Variants in ADGRL3 observed in about 807,000 individuals in gnomAD.
ADGRL3 encodes the protein adhesion G protein-coupled receptor L3.
In ADGRL3, 62 loss-of-function variants were observed where a neutral mutation model predicts 153.5. The ratio of observed to expected loss-of-function variants is 0.40; its 90% CI spans 0.33 to 0.50. The LOEUF (loss-of-function observed/expected upper bound fraction) is 0.50, where lower values mean the gene tolerates loss of function less well. Ranked by LOEUF, ADGRL3 falls within the 20% of genes least tolerant of loss-of-function variation. The pLI is 0.47. For missense variants in ADGRL3, 1,641 were observed against 1,859.4 expected, an observed-to-expected ratio of 0.88 and a Z score of 2.16; for synonymous variants, 710 against 672.5, an observed-to-expected ratio of 1.06 and a Z score of -0.86.
At chr4:61,653,174 A>T (rs62304032) in intron 5 of ADGRL3, among the ~76,000 whole-genome samples, 820 of 48,148 alleles carry the variant, frequency 0.017, 9 homozygotes, top group African/African-American at 0.046. Flanking sequence ...TCTCTCTCAC[A>T]CACACACACA....
At chr4:61,775,906 TATTTA>T (rs2097143183) in intron 8 of ADGRL3, 42 of 242,104 alleles carry the variant, frequency 1.7e-4, no homozygotes, top group Non-Finnish European at 2.2e-4. Context: ...TTTATTTATT[TATTTA>T]TTTTTTTGAG....
intron 4 of ADGRL3, among the ~76,000 whole-genome samples, chr4:61,567,205 A>G (rs1272248933): frequency 6.6e-6 from 1 of 152,220 alleles, no homozygotes; most frequent in Non-Finnish European, 1.5e-5. Flanking sequence ...TCAGTCATAC[A>G]GTTAGCTCAC....
chr4:61,703,038 C>T (rs1485854602), intron 6 of ADGRL3, among the ~76,000 whole-genome samples: 2 of 152,010 alleles, frequency 1.3e-5, no homozygotes, highest in African/African-American at 4.8e-5. Flanking sequence ...ACATACATTT[C>T]CCCCATTTTG....
At chr4:61,384,110 T>C (rs910239863) in intron 2 of ADGRL3, among the ~76,000 whole-genome samples, 1 of 151,972 alleles carries the variant, frequency 6.6e-6, no homozygotes, top group African/African-American at 2.4e-5. Context: ...TTCTGAGCTT[T>C]AGGAGTAAAG....
chr4:61,614,720 C>T (rs1303632261), intron 5 of ADGRL3, among the ~76,000 whole-genome samples: 1 of 152,126 alleles, frequency 6.6e-6, no homozygotes, highest in Non-Finnish European at 1.5e-5. Flanking sequence ...ACTTCCCTGT[C>T]TAAAATAGAA....
At chr4:61,784,310 C>T (rs535922995) in intron 8 of ADGRL3, among the ~76,000 whole-genome samples, 5 of 152,108 alleles carry the variant, frequency 3.3e-5, no homozygotes, top group Non-Finnish European at 7.4e-5. Context: ...GTTAAGTCCT[C>T]TGCTTAGGTT....
intron 9 of ADGRL3, among the ~76,000 whole-genome samples, chr4:61,827,521 G>A (rs945204007): frequency 6.6e-6 from 1 of 152,142 alleles, no homozygotes; most frequent in African/African-American, 2.4e-5. Flanking sequence ...AGCATAGAAG[G>A]CATTAATGCA....
chr4:61,360,550 A>T (rs978574726), intron 1 of ADGRL3, among the ~76,000 whole-genome samples: 1 of 152,190 alleles, frequency 6.6e-6, no homozygotes, highest in East Asian at 1.9e-4. Flanking sequence ...TTATTTAATA[A>T]AATATTTTCT....
rs575852874 is a variant in ADGRL3 at position 62,077,279 on chromosome 4, C to G, written c.*6371C>G. 6.6e-6 allele frequency: 1 copy of G among 152,042 alleles called. No homozygotes were observed. Among genetic ancestry groups the G allele is most frequent in the African/African-American group, 2.4e-5 (1 of 41,536 alleles). The allele number at this position is 152,042 out of a possible 1,614,324, so 9.4% of individuals were successfully genotyped here. A position where few individuals can be genotyped will look rare whatever the true frequency, so the allele number is the denominator to read the frequency against. ...AAATGATGATGCTCCACTCTTTGAT[C>G]TACAGACAAGGTTACAAAAGATTTA... On this transcript the variant is annotated 3_prime_UTR_variant, in exon 27 of 27. Transcript: ENST00000683033.
At chr4:61,742,887 T>C (rs552334832) in intron 8 of ADGRL3, among the ~76,000 whole-genome samples, 1 of 152,328 alleles carries the variant, frequency 6.6e-6, no homozygotes, top group African/African-American at 2.4e-5. Flanking sequence ...CTTTCAGTAG[T>C]ACAAATCAAT....
Position 61,595,673 on chromosome 4 carries a change from T to A in ADGRL3, c.473+8233T>A, listed in dbSNP as rs368238025. On this transcript the variant is annotated intron_variant, in intron 5 of 26. Coordinates refer to ENST00000683033, the MANE Select transcript of ADGRL3 (RefSeq NM_001387552.1). ...ACTCCTTGAGCTGTGCCAGGTGGTG[T>A]CTTCCTAAGTCACATGCCACCCAAG... Among the ~76,000 whole-genome samples the A allele has an allele frequency of 9.9e-5, 15 of 152,274 alleles. No individual in the cohort carries two copies. In the East Asian group the frequency reaches 1.7e-3, roughly 18 times the overall value.
intron 7 of ADGRL3, among the ~76,000 whole-genome samples, chr4:61,731,720 T>C (rs1350393753): frequency 6.6e-6 from 1 of 152,172 alleles, no homozygotes; most frequent in East Asian, 1.9e-4. Flanking sequence ...CTTACACACA[T>C]GTGGCTAAGG....
Position 61,202,298 on chromosome 4 carries a change from C to G in ADGRL3, c.-240+533C>G, listed in dbSNP as rs1242277953. 6.6e-6 allele frequency: 1 copy of G among 152,518 alleles called. No homozygotes were observed. Among genetic ancestry groups the G allele is most frequent in the African/African-American group, 2.4e-5 (1 of 41,458 alleles). The allele number at this position is 152,518 out of a possible 1,614,324, so 9.4% of individuals were successfully genotyped here. On this transcript the variant is annotated intron_variant, in intron 1 of 26. Transcript: ENST00000683033. The surrounding 1 kb of genome is among the most constrained non-coding windows in gnomAD (Gnocchi z 5.0). ...CGAGCCCGGCGCGATTCTCCCTCAACGCTTGCCTGGAGCATCCCTGGCCCC... is the reference window on the plus strand; with the variant it reads ...CGAGCCCGGCGCGATTCTCCCTCAAGGCTTGCCTGGAGCATCCCTGGCCCC...
intron 4 of ADGRL3, among the ~76,000 whole-genome samples, chr4:61,554,714 G>A (rs762703351): frequency 6.6e-6 from 1 of 152,252 alleles, no homozygotes; most frequent in Non-Finnish European, 1.5e-5. Flanking sequence ...GAATTAAACT[G>A]TATCTCTGTG....
intron 10 of ADGRL3, among the ~76,000 whole-genome samples, chr4:61,895,291 C>G (rs914278897): frequency 2.6e-5 from 4 of 152,186 alleles, no homozygotes; most frequent in Non-Finnish European, 2.9e-5. Context: ...TATGGTGAAA[C>G]CCTGCCTCTA....
intron 6 of ADGRL3, among the ~76,000 whole-genome samples, chr4:61,683,717 A>ATTTAACTTGTAGCTTGGCTTTCAGGC (rs2095388693): frequency 2.0e-5 from 3 of 152,172 alleles, no homozygotes; most frequent in Admixed American, 2.0e-4. Context: ...CAGTCCAAGG[A>ATTTAACTTGTAGCTTGGCTTTCAGGC]TTTAACTTGT....
At chr4:61,853,266 T>C (rs1161733890) in intron 9 of ADGRL3, among the ~76,000 whole-genome samples, 2 of 152,200 alleles carry the variant, frequency 1.3e-5, no homozygotes, top group Admixed American at 1.3e-4. Context: ...GGGCTCCTTA[T>C]GAATAACAAA....
rs2099088397 is a variant in ADGRL3, at chr4:61,987,130, T to TTTTATTTTATTTTA, written c.3236+3531_3236+3544dup. On this transcript the variant is annotated intron_variant, in intron 19 of 26. Coordinates refer to ENST00000683033, the MANE Select transcript of ADGRL3 (RefSeq NM_001387552.1). ...TTTTATTTTATTTTATTTTATTTTA[T>TTTTATTTTATTTTA]TTTATTTTATTTTATTTTATTTATT... Among the ~76,000 whole-genome samples the TTTTATTTTATTTTA allele has an allele frequency of 2.0e-5, 3 of 147,544 alleles. No individual in the cohort carries two copies. In the Admixed American group the frequency reaches 2.0e-4, roughly 10 times the overall value.
chr4:61,946,769 C>T (rs529149980), intron 15 of ADGRL3, 145 bp from the exon 16 acceptor site: 4 of 683,238 alleles, frequency 5.9e-6, no homozygotes, highest in Admixed American at 2.5e-5. Flanking sequence ...ATTTCCTCTC[C>T]TCATAAATGA....
Sources: allele counts gnomAD v4.1 joint callset (sites outside exome capture counted in the v4.1 genomes callset), GRCh38; gene constraint gnomAD v4.1.1; non-coding constraint Gnocchi (gnomAD v3.1); transcripts MANE v1.5; gene names NCBI Gene and HGNC (gene_info 2026-07-23, HGNC 2026-07-21).